The following KCNK16 variants were observed in gnomAD, a reference collection of about 807,000 sequenced individuals.
The protein encoded by KCNK16 is potassium channel subfamily K member 16.
A neutral mutation model predicts 23.0 loss-of-function variants in KCNK16; 23 were observed. The observed-to-expected ratio is 1.00, with a 90% CI of 0.72 to 1.41. The LOEUF is 1.41. Ranked by LOEUF, KCNK16 falls within the 40% of genes most tolerant of loss-of-function variation. The probability of loss-of-function intolerance (pLI) is 0.00; values close to 1 mark genes in which losing one functional copy is unlikely to be tolerated. For synonymous variants in KCNK16, 145 were observed against 153.5 expected, an observed-to-expected ratio of 0.94 and a Z score of 0.41; for missense variants, 327 against 365.8, an observed-to-expected ratio of 0.89 and a Z score of 0.87.
chr6:39,317,476 A>T (rs759354095), intron 3 of KCNK16, among the ~76,000 whole-genome samples: 6 of 152,210 alleles, frequency 3.9e-5, no homozygotes, highest in Non-Finnish European at 8.8e-5. Flanking sequence ...GCCTAGGGGC[A>T]TACCCTTCCT....
chr6:39,317,218 G>T (rs1404574588), intron 3 of KCNK16, among the ~76,000 whole-genome samples: 1 of 152,202 alleles, frequency 6.6e-6, no homozygotes, highest in Non-Finnish European at 1.5e-5. Flanking sequence ...CAGGCTCCCT[G>T]GGGACTCAGA....
At position 39,316,182 on chromosome 6, in the gene KCNK16, G is replaced by A. The variant is rs551522779; in HGVS notation, c.*37C>T. 9 of 1,486,094 alleles carry A rather than the reference G, an allele frequency of 6.1e-6. No homozygotes were observed. The East Asian group carries it at 2.2e-4, about 37-fold the overall frequency. The allele number at this position is 1,486,094 out of a possible 1,614,324, so 92.1% of individuals were successfully genotyped here. A position where few individuals can be genotyped will look rare whatever the true frequency, so the allele number is the denominator to read the frequency against. ...AGAGAGCAGATAGGGTGGGACTGGG[G>A]AGGATGAAAGGGGTTTCTGGGCCCC... is the stretch of plus-strand genomic sequence containing the variant. On this transcript the variant is annotated 3_prime_UTR_variant, in exon 5 of 5. Coordinates refer to ENST00000437525, the MANE Select transcript of KCNK16 (RefSeq NM_001135106.2).
downstream of KCNK16, chr6:39,316,045 CTG>C: frequency 1.3e-5 from 12 of 952,872 alleles, no homozygotes; most frequent in Non-Finnish European, 1.8e-5. Context: ...CGTCTCCTCT[CTG>C]TTACTTTCTT....
chr6:39,315,051 T>C, downstream of KCNK16: 1 of 1,613,966 alleles, frequency 6.2e-7, no homozygotes, highest in Non-Finnish European at 8.5e-7. Context: ...GGGTGTGACT[T>C]GGACTCCTCT....
chr6:39,317,007 T>TG (rs1452243273), intron 3 of KCNK16, 60 bp from the exon 4 acceptor site: 4 of 1,534,220 alleles, frequency 2.6e-6, no homozygotes, highest in East Asian at 2.3e-5. Context: ...TGTATGAGGT[T>TG]GGGGGGAGTC....
Position 39,322,427 on chromosome 6 carries a change from C to T in KCNK16, c.114G>A (p.Gln38=), listed in dbSNP as rs1762548149. ...ACTGGTCCCTGGACTGAGCCTCCGC[C>T]TGCCTCTCTAGCAGCTGGAAGATAG... is the stretch of plus-strand genomic sequence containing the variant. The part of the protein sequence containing the change: ...GATIFQLLER[Q]AEAQSRDQFQ... Residue 38 remains glutamine (Q), a synonymous_variant, in exon 1 of 5, where the codon CAG becomes CAA. Transcript: ENST00000437525. The T allele has an allele frequency of 6.2e-7, 1 of 1,614,236 alleles. No individual in the cohort carries two copies. Among genetic ancestry groups the T allele is most frequent in the Non-Finnish European group, 8.5e-7 (1 of 1,180,042 alleles).
At chr6:39,314,696 G>A (rs1762243015), downstream of KCNK16, 1 of 424,286 alleles carries the variant, frequency 2.4e-6, no homozygotes, top group Non-Finnish European at 4.2e-6. Context: ...CGCACTCAGA[G>A]GTAGGAGATA....
chr6:39,316,740 G>A (rs1381374265), intron 4 of KCNK16, 42 bp downstream of exon 4: 1 of 1,591,022 alleles, frequency 6.3e-7, no homozygotes, highest in Non-Finnish European at 8.6e-7. Context: ...AAATCCCAGT[G>A]GGCACCCCCA....
In KCNK16 at chr6:39,316,913, G is replaced by A. The variant is rs773605907; in HGVS notation, c.530C>T (p.Thr177Ile). 10 of 1,613,494 alleles carry A rather than the reference G, an allele frequency of 6.2e-6. No homozygotes were observed. In the Middle Eastern group the frequency reaches 5.0e-4, roughly 80 times the overall value. ...LQVLGLALFL[T>I]LGTLVILIFP... is the part of the protein sequence containing the mutation. ...GATGAGAATGACCAGCGTCCCCAGG[G>A]TCAGGAACAGAGCCAGGCCCAGGAC... Residue 177 changes from threonine (T) to isoleucine (I), a missense_variant, in exon 4 of 5, where the codon ACC becomes ATC. Coordinates refer to ENST00000437525, the MANE Select transcript of KCNK16 (RefSeq NM_001135106.2).
At chr6:39,318,056 T>C in intron 2 of KCNK16, 104 bp from the exon 3 acceptor site, 2 of 1,158,974 alleles carry the variant, frequency 1.7e-6, no homozygotes, top group Non-Finnish European at 2.4e-6. Flanking sequence ...CCTCTGGGGG[T>C]GAGAAGGGGA....
chr6:39,321,428 AT>A (rs1762512712), intron 1 of KCNK16, among the ~76,000 whole-genome samples: 1 of 152,214 alleles, frequency 6.6e-6, no homozygotes, highest in South Asian at 2.1e-4. Flanking sequence ...GTAATAGGTA[AT>A]TATGAGAAAA....
chr6:39,315,136 A>G (rs1185847901), downstream of KCNK16: 1 of 1,614,218 alleles, frequency 6.2e-7, no homozygotes, highest in Non-Finnish European at 8.5e-7. Context: ...AGACCTGTGC[A>G]GAGGAACCCA....
chr6:39,314,955 C>T (rs1762252380), downstream of KCNK16: 3 of 1,520,018 alleles, frequency 2.0e-6, no homozygotes, highest in African/African-American at 1.4e-5. Context: ...AATCCCTCTA[C>T]CTGGAGTGGA....
Position 39,316,184 on chromosome 6 carries a change from G to T in KCNK16, c.*35C>A, listed in dbSNP as rs1331145897. ...AGAGCAGATAGGGTGGGACTGGGGA[G>T]GATGAAAGGGGTTTCTGGGCCCCCC... On this transcript the variant is annotated 3_prime_UTR_variant, in exon 5 of 5. Transcript: ENST00000437525. 6.7e-7 allele frequency: 1 copy of T among 1,488,818 alleles called. No homozygotes were observed. Among genetic ancestry groups the T allele is most frequent in the Non-Finnish European group, 8.9e-7 (1 of 1,120,024 alleles). 92.2% of individuals were successfully genotyped at this position (1,488,818 alleles called of 1,614,324 possible).
upstream of KCNK16, chr6:39,322,834 T>C (rs1248321274): frequency 1.2e-5 from 5 of 406,658 alleles, no homozygotes; most frequent in East Asian, 1.9e-4. Flanking sequence ...CAGGTTCTCC[T>C]GAGTGCTTCA....
chr6:39,318,942 G>T, intron 2 of KCNK16, 77 bp downstream of exon 2: 1 of 974,836 alleles, frequency 1.0e-6, no homozygotes, highest in Non-Finnish European at 1.7e-6. Flanking sequence ...CCACATCCTT[G>T]TCTCAGCATC....
intron 3 of KCNK16, 35 bp downstream of exon 3, chr6:39,317,751 T>TCAC: frequency 6.6e-7 from 1 of 1,514,524 alleles, no homozygotes; most frequent in South Asian, 1.3e-5. Context: ...AACAGATCTG[T>TCAC]CACAGCAGGC....
intron 4 of KCNK16, 94 bp from the exon 5 acceptor site, chr6:39,316,536 C>T: frequency 7.0e-7 from 1 of 1,427,938 alleles, no homozygotes; most frequent in Non-Finnish European, 9.4e-7. Context: ...GATGCTCTCT[C>T]CCTCTTCCTC....
chr6:39,316,195 G>C lies in KCNK16; in HGVS notation c.*24C>G, dbSNP rs974002624. 2.2e-5 allele frequency: 33 copies of C among 1,498,742 alleles called. No individual in the cohort carries two copies. In the African/African-American group the frequency reaches 4.4e-4, roughly 20 times the overall value. The allele number at this position is 1,498,742 out of a possible 1,614,324, so 92.8% of individuals were successfully genotyped here. A position where few individuals can be genotyped will look rare whatever the true frequency, so the allele number is the denominator to read the frequency against. Reference sequence around the variant, plus strand: ...GGTGGGACTGGGGAGGATGAAAGGGGTTTCTGGGCCCCCCCCGGGGGCCTC... The same window carrying C: ...GGTGGGACTGGGGAGGATGAAAGGGCTTTCTGGGCCCCCCCCGGGGGCCTC... On this transcript the variant is annotated 3_prime_UTR_variant, in exon 5 of 5. Coordinates refer to ENST00000437525, the MANE Select transcript of KCNK16 (RefSeq NM_001135106.2).
Sources: allele counts gnomAD v4.1 joint callset (sites outside exome capture counted in the v4.1 genomes callset), GRCh38; gene constraint gnomAD v4.1.1; transcripts MANE v1.5; gene names NCBI Gene and HGNC (gene_info 2026-07-23, HGNC 2026-07-21).